The following PFDN1 variants were observed in gnomAD, a reference collection of about 807,000 sequenced individuals.
PFDN1 encodes the protein prefoldin subunit 1.
PFDN1 carries 6 observed loss-of-function variants against 17.3 expected under a neutral mutation model. The observed-to-expected ratio is 0.35, with a 90% CI of 0.19 to 0.69. The LOEUF (loss-of-function observed/expected upper bound fraction) is 0.69. PFDN1 is among the 30% of genes least tolerant of loss of function. The pLI, the probability that PFDN1 is intolerant of heterozygous loss-of-function variation, is 0.65. For missense variants in PFDN1, 113 were observed against 146.2 expected, an observed-to-expected ratio of 0.77 and a Z score of 1.17; for synonymous variants, 58 against 50.1, an observed-to-expected ratio of 1.16 and a Z score of -0.67.
At chr5:140,301,655 G>T (rs1207793597) in intron 1 of PFDN1, among the ~76,000 whole-genome samples, 1 of 152,048 alleles carries the variant, frequency 6.6e-6, no homozygotes, top group African/African-American at 2.4e-5. Flanking sequence ...TTAATTAATT[G>T]GTTATCAAAA....
intron 3 of PFDN1, among the ~76,000 whole-genome samples, chr5:140,246,534 G>A (rs1275286952): frequency 6.6e-6 from 1 of 152,236 alleles, no homozygotes; most frequent in Non-Finnish European, 1.5e-5. Context: ...GCTGCTGTGA[G>A]GGCTGTGGGG....
Position 140,281,477 on chromosome 5 carries a change from A to T in PFDN1, c.257T>A (p.Ile86Lys). 6.3e-7 allele frequency: 1 copy of T among 1,579,294 alleles called. No individual in the cohort carries two copies. Among genetic ancestry groups the T allele is most frequent in the Non-Finnish European group, 8.7e-7 (1 of 1,149,150 alleles). ...TAGTTCTTTAATTTTTTCTTCTGCT[A>T]TTTTCTGCTTCTCTAACAGCTGACT... The part of the protein sequence containing the change: ...IHSQLLEKQK[I>K]AEEKIKELEQ... Residue 86 changes from isoleucine to lysine, a missense_variant, in exon 3 of 4, where the codon ATA (isoleucine) becomes AAA (lysine). Physicochemically the swap from Ile to Lys is moderately radical, Grantham distance 102. Coordinates refer to ENST00000261813, the MANE Select transcript of PFDN1 (RefSeq NM_002622.5).
intron 2 of PFDN1, among the ~76,000 whole-genome samples, 187 bp downstream of exon 2, chr5:140,300,229 A>G (rs897078166): frequency 3.3e-5 from 5 of 152,086 alleles, no homozygotes; most frequent in African/African-American, 4.8e-5. Context: ...TGGTAGATAC[A>G]GGGTTCCACC....
intron 3 of PFDN1, among the ~76,000 whole-genome samples, chr5:140,274,849 CA>C (rs1209837367): frequency 1.3e-5 from 2 of 151,890 alleles, no homozygotes; most frequent in African/African-American, 4.8e-5. Flanking sequence ...ACTAAAAATA[CA>C]AAAATTAGCC....
At chr5:140,262,483 C>T (rs1379261501) in intron 3 of PFDN1, 1 of 455,320 alleles carries the variant, frequency 2.2e-6, no homozygotes, top group Non-Finnish European at 4.4e-6. Flanking sequence ...TGGCTTCACA[C>T]AGAATCCATG....
At chr5:140,268,842 A>T (rs918854690) in intron 3 of PFDN1, among the ~76,000 whole-genome samples, 3 of 152,184 alleles carry the variant, frequency 2.0e-5, no homozygotes, top group Non-Finnish European at 4.4e-5. Context: ...TATTTCTAAA[A>T]CAAGGTGATG....
intron 3 of PFDN1, among the ~76,000 whole-genome samples, chr5:140,260,481 C>T (rs897421192): frequency 2.0e-5 from 3 of 151,792 alleles, no homozygotes; most frequent in African/African-American, 7.3e-5. Flanking sequence ...AAATGTGGTA[C>T]ATCCATACAA....
chr5:140,285,306 C>G (rs963039453), intron 2 of PFDN1, among the ~76,000 whole-genome samples: 2 of 150,950 alleles, frequency 1.3e-5, no homozygotes, highest in Admixed American at 1.3e-4. Flanking sequence ...CGAGATCGCG[C>G]CACTGCACTC....
In PFDN1 at chr5:140,254,601, A is replaced by C. The variant is rs546773206; in HGVS notation, c.286-8544T>G. On this transcript the variant is annotated intron_variant, in intron 3 of 3. Transcript: ENST00000261813. This position sits in a 1 kb window ranked among gnomAD's most constrained non-coding sequence, Gnocchi z 4.4. The stretch of plus-strand genomic sequence containing the variant: ...ATGTAGATGACCCACCCAATACCAC[A>C]GCCTCCTCTCTCCTCACAATTTTAC... Among the ~76,000 whole-genome samples the C allele has an allele frequency of 1.3e-5, 2 of 152,196 alleles. No homozygotes were observed. Among genetic ancestry groups the C allele is most frequent in the East Asian group, 3.9e-4 (2 of 5,178 alleles).
chr5:140,287,860 G>A (rs1765520867), intron 2 of PFDN1, among the ~76,000 whole-genome samples: 1 of 152,148 alleles, frequency 6.6e-6, no homozygotes, highest in Non-Finnish European at 1.5e-5. Flanking sequence ...TGTTATTAGG[G>A]AACTATAAAA....
Position 140,300,523 on chromosome 5 carries a change from G to A in PFDN1, c.93C>T (p.Asp31=). 1 of 1,613,038 alleles carries A rather than the reference G, an allele frequency of 6.2e-7. No homozygotes were observed. The highest frequency in any genetic ancestry group is 8.5e-7 in the Non-Finnish European group (1 of 1,179,242). Residue 31 remains aspartate (D), a synonymous_variant, in exon 2 of 4, where the codon GAC becomes GAT. Coordinates refer to ENST00000261813, the MANE Select transcript of PFDN1 (RefSeq NM_002622.5). ...IDTQQKVKLA[D]IQIEQLNRTK... ...TTCTGTTTAGCTGTTCAATCTGTAT[G>A]TCTGCGAGCTTCACCTTCTGTTGAG...
intron 3 of PFDN1, among the ~76,000 whole-genome samples, chr5:140,248,202 G>A (rs1484875144): frequency 1.3e-5 from 2 of 151,628 alleles, no homozygotes; most frequent in African/African-American, 2.4e-5. Context: ...CCAAGTAGTT[G>A]GGATTACAGG....
chr5:140,298,476 A>C lies in PFDN1; in HGVS notation c.200+1940T>G, dbSNP rs190521620. On this transcript the variant is annotated intron_variant, in intron 2 of 3. Transcript: ENST00000261813. ...CTCCTCCTGTACCTCCCCCCAACTT[A>C]AAAAAAAAAAAAATCAGTCTTCTCC... 9.3e-3 allele frequency among the ~76,000 whole-genome samples: 1,326 copies of C among 141,822 alleles called. 22 individuals are homozygous for C. The highest frequency in any genetic ancestry group is 0.01 in the Non-Finnish European group (667 of 64,900). The allele number at this position is 141,822 out of a possible 152,430, so 93.0% of individuals were successfully genotyped here. A position where few individuals can be genotyped will look rare whatever the true frequency, so the allele number is the denominator to read the frequency against.
intron 2 of PFDN1, among the ~76,000 whole-genome samples, chr5:140,286,267 GC>G (rs748516268): frequency 7.3e-5 from 11 of 151,262 alleles, no homozygotes; most frequent in Non-Finnish European, 1.2e-4. Context: ...AAAAAAATTA[GC>G]CGGTGTGGTG....
In PFDN1 at chr5:140,290,757, A is replaced by G. The variant is rs756543883; in HGVS notation, c.201-9224T>C. On this transcript the variant is annotated intron_variant, in intron 2 of 3. Transcript: ENST00000261813. The stretch of plus-strand genomic sequence containing the variant: ...ACTGGGGTGGTGGTTACATTTGTCA[A>G]AATTCACCCAACTGTACTCCTAAAA... Among the ~76,000 whole-genome samples the G allele has an allele frequency of 1.2e-4, 19 of 152,296 alleles. 1 individual carries two copies. Among genetic ancestry groups the G allele is most frequent in the Admixed American group, 2.0e-4 (3 of 15,306 alleles).
intron 3 of PFDN1, among the ~76,000 whole-genome samples, chr5:140,280,117 T>C (rs1765378043): frequency 6.6e-6 from 1 of 151,758 alleles, no homozygotes. Flanking sequence ...CAATTTAATA[T>C]ATATCCTTAC....
chr5:140,265,408 A>C (rs1287897201), intron 3 of PFDN1, among the ~76,000 whole-genome samples: 1 of 152,142 alleles, frequency 6.6e-6, no homozygotes, highest in African/African-American at 2.4e-5. Flanking sequence ...CTTTTCCCTT[A>C]GTTGACCCAA....
At chr5:140,289,408 A>T (rs1765546983) in intron 2 of PFDN1, among the ~76,000 whole-genome samples, 1 of 152,250 alleles carries the variant, frequency 6.6e-6, no homozygotes, top group Admixed American at 6.5e-5. Flanking sequence ...GACAAAAGCA[A>T]TCTACAGATC....
chr5:140,283,435 A>G (rs1185503763), intron 2 of PFDN1, among the ~76,000 whole-genome samples: 6 of 152,122 alleles, frequency 3.9e-5, no homozygotes, highest in Admixed American at 3.9e-4. Flanking sequence ...GGGTTTCACC[A>G]TGTTAGCCAG....
Sources: allele counts gnomAD v4.1 joint callset (sites outside exome capture counted in the v4.1 genomes callset), GRCh38; gene constraint gnomAD v4.1.1; non-coding constraint Gnocchi (gnomAD v3.1); transcripts MANE v1.5; gene names NCBI Gene and HGNC (gene_info 2026-07-23, HGNC 2026-07-21).